Variants in SPPL3 observed in about 807,000 individuals in gnomAD.
SPPL3 encodes the protein signal peptide peptidase-like 3.
Under a neutral mutation model 42.4 loss-of-function variants are expected in SPPL3, and 5 were observed. That is an observed-to-expected ratio of 0.12 (90% CI 0.06 to 0.25). The LOEUF is 0.25. SPPL3 is among the 10% of genes least tolerant of loss of function. SPPL3 has a pLI of 1.00. For synonymous variants in SPPL3, 195 were observed against 181.8 expected, an observed-to-expected ratio of 1.07 and a Z score of -0.58; for missense variants, 235 against 489.0, an observed-to-expected ratio of 0.48 and a Z score of 4.90.
intron 1 of SPPL3, among the ~76,000 whole-genome samples, chr12:120,886,204 G>T (rs142660253): frequency 6.6e-6 from 1 of 151,816 alleles, no homozygotes; most frequent in Non-Finnish European, 1.5e-5. Context: ...GACTGACTAG[G>T]AGACACAATC....
Position 120,864,912 on chromosome 12 carries a change from A to G in SPPL3, c.23+38933T>C, listed in dbSNP as rs1350766864. 4.6e-5 allele frequency among the ~76,000 whole-genome samples: 7 copies of G among 152,218 alleles called. No homozygotes were observed. In the East Asian group the frequency reaches 1.2e-3, roughly 25 times the overall value. Reference sequence around the variant, plus strand: ...AACTGGGTTAAAAAAATAACAAAACAAAACTGTAGAGTGTGTGGAATACAA... The same window carrying G: ...AACTGGGTTAAAAAAATAACAAAACGAAACTGTAGAGTGTGTGGAATACAA... On this transcript the variant is annotated intron_variant, in intron 1 of 10. Coordinates refer to ENST00000353487, the MANE Select transcript of SPPL3 (RefSeq NM_139015.5).
chr12:120,858,464 C>CAA (rs61150500), intron 1 of SPPL3, among the ~76,000 whole-genome samples: 51,918 of 141,498 alleles, frequency 0.37, 10,860 homozygotes, highest in Middle Eastern at 0.51. Flanking sequence ...CTCAAGAAAA[C>CAA]AAAAAAAAAA....
chr12:120,866,699 A>G lies in SPPL3; in HGVS notation c.23+37146T>C, dbSNP rs528825224. The stretch of plus-strand genomic sequence containing the variant: ...ACCACTTTCCTTTTCAGAATCTGAT[A>G]AAAGTTTGAACTGAAACTTTCTTAA... On this transcript the variant is annotated intron_variant, in intron 1 of 10. Coordinates refer to ENST00000353487, the MANE Select transcript of SPPL3 (RefSeq NM_139015.5). Among the ~76,000 whole-genome samples, 11 of 152,354 alleles carry G rather than the reference A, an allele frequency of 7.2e-5. No individual in the cohort carries two copies. The South Asian group carries it at 2.3e-3, about 32-fold the overall frequency.
intron 1 of SPPL3, among the ~76,000 whole-genome samples, chr12:120,885,648 GCTATCC>G (rs1213841481): frequency 6.6e-6 from 1 of 151,988 alleles, no homozygotes; most frequent in Non-Finnish European, 1.5e-5. Flanking sequence ...GCACTGATCA[GCTATCC>G]CTATCTTCAA....
At chr12:120,771,475 T>C (rs1830522510) in intron 6 of SPPL3, among the ~76,000 whole-genome samples, 1 of 152,258 alleles carries the variant, frequency 6.6e-6, no homozygotes, top group African/African-American at 2.4e-5. Flanking sequence ...ACAGGTGGAC[T>C]TTCCTGCAAT....
chr12:120,883,890 T>C (rs756892204), intron 1 of SPPL3, among the ~76,000 whole-genome samples: 1 of 151,114 alleles, frequency 6.6e-6, no homozygotes, highest in African/African-American at 2.4e-5. Context: ...TCACCTGAGG[T>C]TGGGAGTTCA....
At chr12:120,796,228 T>C (rs1870092371) in intron 2 of SPPL3, among the ~76,000 whole-genome samples, 1 of 151,938 alleles carries the variant, frequency 6.6e-6, no homozygotes, top group Non-Finnish European at 1.5e-5. Flanking sequence ...ATACAAAAAT[T>C]AGCCAGGCAT....
At chr12:120,881,465 C>CAAAA (rs374467556) in intron 1 of SPPL3, among the ~76,000 whole-genome samples, 13 of 52,954 alleles carry the variant, frequency 2.5e-4, no homozygotes, top group African/African-American at 1.1e-3. Context: ...GAGACTGCCT[C>CAAAA]AAAAAAAAAA....
intron 1 of SPPL3, among the ~76,000 whole-genome samples, chr12:120,881,586 C>T (rs970072831): frequency 1.3e-4 from 19 of 149,212 alleles, no homozygotes; most frequent in African/African-American, 3.2e-4. Flanking sequence ...AGCAGGGTCT[C>T]GAACAGATAT....
intron 1 of SPPL3, among the ~76,000 whole-genome samples, chr12:120,887,518 C>A (rs1177585): frequency 6.6e-6 from 1 of 151,906 alleles, no homozygotes; most frequent in Middle Eastern, 3.4e-3. Context: ...CAGAGTAATT[C>A]GGTTAATCAC....
chr12:120,810,927 G>A (rs765256928), intron 1 of SPPL3, 41 bp from the exon 2 acceptor site: 2 of 1,432,170 alleles, frequency 1.4e-6, no homozygotes, highest in Admixed American at 1.7e-5. Context: ...CACATGCAGT[G>A]AGTCCTAATG....
chr12:120,833,667 CAAAAAAAAAAAAAG>C (rs57222082), intron 1 of SPPL3, among the ~76,000 whole-genome samples: 49,409 of 95,156 alleles, frequency 0.52, 11,506 homozygotes, highest in Admixed American at 0.65. Context: ...TCCATCTCTC[CAAAAAAAAAAAAAG>C]AAAAAAAAAA....
intron 1 of SPPL3, among the ~76,000 whole-genome samples, chr12:120,825,888 G>A (rs893125420): frequency 1.4e-5 from 2 of 144,914 alleles, no homozygotes; most frequent in Non-Finnish European, 3.1e-5. Flanking sequence ...GAAGTGGAAA[G>A]AGGAGGTGCT....
At chr12:120,871,422 C>T (rs1872928805) in intron 1 of SPPL3, among the ~76,000 whole-genome samples, 1 of 152,068 alleles carries the variant, frequency 6.6e-6, no homozygotes, top group African/African-American at 2.4e-5. Context: ...ATTCCAGGAT[C>T]CCCCTTGGAT....
intron 1 of SPPL3, among the ~76,000 whole-genome samples, chr12:120,825,736 AAG>A (rs1445379169): frequency 6.6e-6 from 1 of 152,206 alleles, no homozygotes; most frequent in Non-Finnish European, 1.5e-5. Flanking sequence ...TAAAAATCAT[AAG>A]AGTCTATAAT....
At chr12:120,900,111 T>C (rs950075140) in intron 1 of SPPL3, among the ~76,000 whole-genome samples, 11 of 152,052 alleles carry the variant, frequency 7.2e-5, no homozygotes, top group African/African-American at 9.7e-5. Flanking sequence ...TAAACCTCCA[T>C]GTACTCATCA....
At chr12:120,867,697 A>T (rs934859689) in intron 1 of SPPL3, among the ~76,000 whole-genome samples, 21 of 151,072 alleles carry the variant, frequency 1.4e-4, no homozygotes, top group Non-Finnish European at 2.4e-4. Context: ...TGCTGAGAAG[A>T]AGTTTATCTT....
At chr12:120,901,198 C>G (rs2137074623) in intron 1 of SPPL3, among the ~76,000 whole-genome samples, 1 of 152,236 alleles carries the variant, frequency 6.6e-6, no homozygotes, top group South Asian at 2.1e-4. Context: ...ATATCACCTA[C>G]CTCAGAAACT....
At chr12:120,808,125 G>T (rs1870567074) in intron 2 of SPPL3, among the ~76,000 whole-genome samples, 1 of 149,808 alleles carries the variant, frequency 6.7e-6, no homozygotes, top group Non-Finnish European at 1.5e-5. Context: ...CTTGAACCAG[G>T]GTCTCACTCT....
Sources: allele counts gnomAD v4.1 joint callset (sites outside exome capture counted in the v4.1 genomes callset), GRCh38; gene constraint gnomAD v4.1.1; transcripts MANE v1.5; gene names NCBI Gene and HGNC (gene_info 2026-07-23, HGNC 2026-07-21).